The following MYO16 variants were observed in gnomAD, a reference collection of about 807,000 sequenced individuals.
MYO16 encodes the protein myosin XVI.
Under a neutral mutation model 205.3 loss-of-function variants are expected in MYO16, and 94 were observed. That is an observed-to-expected ratio of 0.46 (90% CI 0.39 to 0.54). MYO16 has a LOEUF of 0.54. MYO16 is among the 20% of genes least tolerant of loss of function. The probability of loss-of-function intolerance (pLI) is 0.00; values close to 1 mark genes in which losing one functional copy is unlikely to be tolerated. For synonymous variants in MYO16, 988 were observed against 954.0 expected, an observed-to-expected ratio of 1.04 and a Z score of -0.66; for missense variants, 2,315 against 2,387.5, an observed-to-expected ratio of 0.97 and a Z score of 0.63.
intron 1 of MYO16, among the ~76,000 whole-genome samples, chr13:108,652,118 AGTT>A (rs1260104631): frequency 2.0e-5 from 3 of 151,946 alleles, no homozygotes; most frequent in Non-Finnish European, 4.4e-5. Context: ...CTGCTAGAGG[AGTT>A]GTTAGGAGCA....
the MYO16 span, among the ~76,000 whole-genome samples, chr13:108,581,785 T>A: frequency 3.3e-5 from 5 of 150,164 alleles, no homozygotes; most frequent in African/African-American, 9.8e-5. Flanking sequence ...CTCGGGAGAC[T>A]GAGGCAGGAG....
chr13:108,919,021 G>A (rs1482252214), intron 16 of MYO16, among the ~76,000 whole-genome samples: 3 of 151,570 alleles, frequency 2.0e-5, no homozygotes, highest in Admixed American at 2.0e-4. Flanking sequence ...TGAGGCCAAT[G>A]TCCAGATAGT....
At chr13:108,516,672 T>C in the MYO16 span, among the ~76,000 whole-genome samples, 2 of 152,214 alleles carry the variant, frequency 1.3e-5, no homozygotes, top group Non-Finnish European at 2.9e-5. Context: ...CTTACTTTCA[T>C]AGCATTTATT....
intron 20 of MYO16, among the ~76,000 whole-genome samples, chr13:108,987,028 T>G (rs1884664143): frequency 6.6e-6 from 1 of 152,192 alleles, no homozygotes; most frequent in Non-Finnish European, 1.5e-5. Flanking sequence ...CTAACAGTGC[T>G]TTGTGCACGG....
chr13:108,784,198 G>A (rs1228022795), intron 4 of MYO16, among the ~76,000 whole-genome samples: 2 of 151,974 alleles, frequency 1.3e-5, no homozygotes, highest in Non-Finnish European at 2.9e-5. Context: ...AGAATCATTA[G>A]CAAAGTCTAC....
chr13:109,056,372 T>G (rs1396147378), intron 27 of MYO16, among the ~76,000 whole-genome samples: 1 of 152,282 alleles, frequency 6.6e-6, no homozygotes, highest in Non-Finnish European at 1.5e-5. Flanking sequence ...TCAGGCTACA[T>G]ATTTGTTCAT....
At position 108,634,280 on chromosome 13, in the gene MYO16, C is replaced by T. The variant is rs149496350; in HGVS notation, c.28+4408C>T. Among the ~76,000 whole-genome samples, 388 of 152,222 alleles carry T rather than the reference C, an allele frequency of 2.5e-3. 1 individual carries two copies. The highest frequency in any genetic ancestry group is 4.6e-3 in the Non-Finnish European group (316 of 68,012). On this transcript the variant is annotated intron_variant, in intron 1 of 34. Coordinates refer to ENST00000457511, the MANE Select transcript of MYO16 (RefSeq NM_001198950.3). Reference sequence around the variant, plus strand: ...CACCATTAAATCTGCAGAGTGTCTGCGCATGTATTCCTCTTTGCCCACTTC... The same window carrying T: ...CACCATTAAATCTGCAGAGTGTCTGTGCATGTATTCCTCTTTGCCCACTTC...
chr13:108,897,981 T>C, intron 14 of MYO16, 35 bp from the exon 15 acceptor site: 10 of 1,462,380 alleles, frequency 6.8e-6, no homozygotes, highest in South Asian at 1.1e-5. Flanking sequence ...TCTTAAAATA[T>C]GAGCAGTTCA....
chr13:108,547,706 T>C, the MYO16 span, among the ~76,000 whole-genome samples: 2 of 152,234 alleles, frequency 1.3e-5, no homozygotes, highest in Admixed American at 1.3e-4. Flanking sequence ...TGAGATGCTG[T>C]TAGGCATTGG....
intron 11 of MYO16, among the ~76,000 whole-genome samples, chr13:108,855,754 G>T (rs531500569): frequency 1.3e-5 from 2 of 152,238 alleles, no homozygotes; most frequent in African/African-American, 4.8e-5. Flanking sequence ...CCAAATTCTG[G>T]AGCTGAGTAT....
the MYO16 span, among the ~76,000 whole-genome samples, chr13:108,571,539 T>G: frequency 1.3e-5 from 2 of 152,146 alleles, no homozygotes; most frequent in Non-Finnish European, 2.9e-5. Flanking sequence ...ATGTCAAATG[T>G]GGCAAATGTG....
chr13:108,605,570 C>T (rs552372220), intron 1 of MYO16, among the ~76,000 whole-genome samples: 1 of 152,284 alleles, frequency 6.6e-6, no homozygotes, highest in African/African-American at 2.4e-5. Flanking sequence ...GGCTATTTCT[C>T]CTTCACTTTA....
chr13:109,140,407 G>T lies in MYO16; in HGVS notation c.4195G>T (p.Ala1399Ser), dbSNP rs1165852665. The stretch of plus-strand genomic sequence containing the variant: ...GTCCCGGCCCGGGGACGCGAGGCCC[G>T]CGGGCGCCCCGGGGGCAGCAGCGCG... ...SGSRPGDARPAGAPGAAARVL... is the reference protein window; with the variant it reads ...SGSRPGDARPSGAPGAAARVL... The change falls in exon 32 of 35, where the codon GCG becomes TCG. Residue 1399 changes from alanine to serine, a missense_variant. Ala to Ser is a moderately conservative substitution (Grantham distance 99, BLOSUM62 1). Around this residue, in one of 3 missense-constraint regions of MYO16, gnomAD observed 1,097 missense variants for 1,092.0 expected, o/e 1.00. Coordinates refer to ENST00000457511, the MANE Select transcript of MYO16 (RefSeq NM_001198950.3). This position sits in a 1 kb window ranked among gnomAD's most constrained non-coding sequence, Gnocchi z 8.0. The T allele has an allele frequency of 8.8e-6, 14 of 1,585,424 alleles. No individual in the cohort carries two copies. The highest frequency in any genetic ancestry group is 1.0e-5 in the Non-Finnish European group (12 of 1,171,812).
At chr13:108,936,183 T>C (rs1223412745) in intron 16 of MYO16, among the ~76,000 whole-genome samples, 1 of 151,684 alleles carries the variant, frequency 6.6e-6, no homozygotes, top group African/African-American at 2.4e-5. Flanking sequence ...CTTTCTTTCT[T>C]TCTAAAATTC....
intron 1 of MYO16, among the ~76,000 whole-genome samples, chr13:108,610,474 G>A (rs1400748843): frequency 1.3e-5 from 2 of 152,084 alleles, no homozygotes; most frequent in East Asian, 3.9e-4. Context: ...AAATCCTCCT[G>A]TGTGTTGGTT....
At chr13:108,967,353 A>AAAT (rs1883836076) in intron 20 of MYO16, among the ~76,000 whole-genome samples, 1 of 152,230 alleles carries the variant, frequency 6.6e-6, no homozygotes, top group African/African-American at 2.4e-5. Flanking sequence ...TAGCATTTTA[A>AAAT]AATAATTCTA....
intron 3 of MYO16, among the ~76,000 whole-genome samples, chr13:108,719,889 T>C (rs1001706431): frequency 6.6e-6 from 1 of 152,184 alleles, no homozygotes; most frequent in Non-Finnish European, 1.5e-5. Context: ...TGGAATATAG[T>C]GTTGCCTAAT....
chr13:109,148,950 G>C (rs1164788892), intron 32 of MYO16, among the ~76,000 whole-genome samples: 3 of 152,170 alleles, frequency 2.0e-5, no homozygotes, highest in Admixed American at 6.5e-5. Flanking sequence ...AAACTTCAGG[G>C]TGTGTGGTTC....
At chr13:108,925,410 T>C (rs865914751) in intron 16 of MYO16, among the ~76,000 whole-genome samples, 1 of 152,188 alleles carries the variant, frequency 6.6e-6, no homozygotes, top group African/African-American at 2.4e-5. Context: ...AGAGGTAGTA[T>C]GGATGGTCTT....
Sources: gnomAD v4.1 joint callset for allele counts (sites outside exome capture counted in the v4.1 genomes callset) on GRCh38, gnomAD v4.1.1 for gene constraint, gnomAD v4.1.1 regional missense constraint, Gnocchi (gnomAD v3.1) non-coding constraint, MANE v1.5 for transcripts, NCBI Gene and HGNC (gene_info 2026-07-23, HGNC 2026-07-21) for gene names.